DOCK3: variants seen among roughly 807,000 people sequenced by gnomAD.
DOCK3 encodes dedicator of cytokinesis protein 3.
Under a neutral mutation model 265.6 loss-of-function variants are expected in DOCK3, and 60 were observed. The ratio of observed to expected loss-of-function variants is 0.23; its 90% confidence interval spans 0.18 to 0.28. The LOEUF is 0.28. Ranked by LOEUF, DOCK3 falls within the 10% of genes least tolerant of loss-of-function variation. The pLI is 1.00. For synonymous variants in DOCK3, 881 were observed against 938.0 expected, an observed-to-expected ratio of 0.94 and a Z score of 1.11; for missense variants, 1,981 against 2,594.3, an observed-to-expected ratio of 0.76 and a Z score of 5.14.
intron 5 of DOCK3, among the ~76,000 whole-genome samples, chr3:51,056,514 C>T (rs1265470228): frequency 6.6e-6 from 1 of 152,168 alleles, no homozygotes; most frequent in Admixed American, 6.5e-5. Context: ...TCCCAAAGTG[C>T]TGGGATTACA....
At chr3:50,753,051 G>T (rs1282123283) in intron 1 of DOCK3, among the ~76,000 whole-genome samples, 1 of 152,150 alleles carries the variant, frequency 6.6e-6, no homozygotes, top group Non-Finnish European at 1.5e-5. Context: ...AGGATATTAT[G>T]TAGGTACTTA....
rs1576074270 is a variant in DOCK3 at position 50,682,929 on chromosome 3, ACT to A, written c.37+7632_37+7633del. On this transcript the variant is annotated intron_variant, in intron 1 of 52. Transcript: ENST00000266037. The stretch of plus-strand genomic sequence containing the variant: ...GCTCCAGCCTGGGTGACAGAGTAAG[ACT>A]CTGTGATCCTCCCAAAGTGTTGGGA... Among the ~76,000 whole-genome samples the A allele has an allele frequency of 2.0e-5, 3 of 152,202 alleles. No individual in the cohort carries two copies. The East Asian group carries it at 5.8e-4, about 29-fold the overall frequency.
At chr3:51,026,889 A>G (rs192455833) in intron 5 of DOCK3, among the ~76,000 whole-genome samples, 2 of 151,764 alleles carry the variant, frequency 1.3e-5, no homozygotes, top group African/African-American at 4.8e-5. Flanking sequence ...CTAGCAGTCT[A>G]TCAATCTTTT....
At chr3:51,317,383 A>G (rs748830127) in intron 32 of DOCK3, among the ~76,000 whole-genome samples, 1 of 151,090 alleles carries the variant, frequency 6.6e-6, no homozygotes, top group Non-Finnish European at 1.5e-5. Flanking sequence ...TTAGTGAGCT[A>G]TTGCACCACG....
chr3:50,971,339 G>A (rs1201112726), intron 5 of DOCK3, among the ~76,000 whole-genome samples: 1 of 151,848 alleles, frequency 6.6e-6, no homozygotes, highest in Non-Finnish European at 1.5e-5. Flanking sequence ...ATGTTGGATG[G>A]TATTAGTTTT....
At position 51,361,844 on chromosome 3, in the gene DOCK3, C is replaced by A; in HGVS notation, c.5007-15C>A. On this transcript the variant is annotated splice_polypyrimidine_tract_variant and intron_variant, in intron 47 of 52. Coordinates refer to ENST00000266037, the MANE Select transcript of DOCK3 (RefSeq NM_004947.5). This position sits in a 1 kb window ranked among gnomAD's most constrained non-coding sequence, Gnocchi z 4.2. ...ATGGGCCTGACTCCTCCCTATTTCC[C>A]ACTCTTGCTCACAGCCCCATGAACT... 2 of 1,610,470 alleles carry A rather than the reference C, an allele frequency of 1.2e-6. No individual in the cohort carries two copies. Among genetic ancestry groups the A allele is most frequent in the Non-Finnish European group, 1.7e-6 (2 of 1,178,098 alleles).
intron 22 of DOCK3, among the ~76,000 whole-genome samples, chr3:51,250,606 A>T (rs1231884958): frequency 6.6e-6 from 1 of 152,214 alleles, no homozygotes; most frequent in Non-Finnish European, 1.5e-5. Context: ...GTGACAGAGC[A>T]AAACTCCATC....
intron 46 of DOCK3, among the ~76,000 whole-genome samples, chr3:51,358,300 A>G (rs1244890898): frequency 2.0e-5 from 3 of 152,196 alleles, no homozygotes; most frequent in Non-Finnish European, 2.9e-5. Flanking sequence ...CCAAAGGAGG[A>G]GCCAGATTCA....
intron 23 of DOCK3, among the ~76,000 whole-genome samples, chr3:51,267,347 A>G (rs145511402): frequency 8.5e-4 from 129 of 151,648 alleles, no homozygotes; most frequent in African/African-American, 3.0e-3. Flanking sequence ...AAATCATTCT[A>G]CTATAAAGAC....
Position 51,242,838 on chromosome 3 carries a change from G to A in DOCK3, c.2103-3888G>A, listed in dbSNP as rs1204544162. ...GGAAAAAGGAAAGCAAAACCTGCCA[G>A]TACAGACACAAGCCAGTAAAGCATT... is the stretch of plus-strand genomic sequence containing the variant. On this transcript the variant is annotated intron_variant, in intron 21 of 52. Coordinates refer to ENST00000266037, the MANE Select transcript of DOCK3 (RefSeq NM_004947.5). Among the ~76,000 whole-genome samples the A allele has an allele frequency of 2.0e-5, 3 of 152,166 alleles. No homozygotes were observed. The East Asian group carries it at 5.8e-4, about 29-fold the overall frequency.
At chr3:50,736,043 C>T (rs2038579307) in intron 1 of DOCK3, among the ~76,000 whole-genome samples, 1 of 152,168 alleles carries the variant, frequency 6.6e-6, no homozygotes, top group Non-Finnish European at 1.5e-5. Flanking sequence ...AATGCTATCC[C>T]TCCCCGCTGC....
chr3:51,008,136 T>C (rs1037343061), intron 5 of DOCK3, among the ~76,000 whole-genome samples: 6 of 152,198 alleles, frequency 3.9e-5, no homozygotes, highest in African/African-American at 1.4e-4. Flanking sequence ...AACATTAAAG[T>C]AGTTTTTTTT....
At chr3:51,013,952 G>C (rs1047597359) in intron 5 of DOCK3, among the ~76,000 whole-genome samples, 1 of 152,198 alleles carries the variant, frequency 6.6e-6, no homozygotes, top group African/African-American at 2.4e-5. Flanking sequence ...AGGCTTCGTA[G>C]GCGTGGGACC....
intron 4 of DOCK3, among the ~76,000 whole-genome samples, chr3:50,905,645 G>T (rs1307193938): frequency 6.6e-6 from 1 of 152,068 alleles, no homozygotes; most frequent in Non-Finnish European, 1.5e-5. Flanking sequence ...TTGCTTATCA[G>T]CTTAAGGAGA....
chr3:51,317,245 C>T (rs2083416383), intron 32 of DOCK3, among the ~76,000 whole-genome samples: 2 of 147,192 alleles, frequency 1.4e-5, no homozygotes, highest in South Asian at 2.1e-4. Context: ...GTCTTTCTGC[C>T]TTGGTCAAAA....
At chr3:50,960,040 A>G (rs1026589642) in intron 5 of DOCK3, among the ~76,000 whole-genome samples, 1 of 152,204 alleles carries the variant, frequency 6.6e-6, no homozygotes. Context: ...GTGTCATTGC[A>G]TGAAATCAGT....
intron 4 of DOCK3, among the ~76,000 whole-genome samples, chr3:50,924,286 A>G (rs2050651490): frequency 6.6e-6 from 1 of 152,236 alleles, no homozygotes; most frequent in South Asian, 2.1e-4. Flanking sequence ...TATATTAGTT[A>G]CTGGTTCAGA....
chr3:51,137,463 G>A (rs1019525506), intron 9 of DOCK3, among the ~76,000 whole-genome samples: 3 of 152,142 alleles, frequency 2.0e-5, no homozygotes, highest in South Asian at 2.1e-4. Context: ...ATGTACCCTC[G>A]TTGAGGATAA....
chr3:50,833,008 A>G (rs1431103314), intron 2 of DOCK3, among the ~76,000 whole-genome samples: 2 of 152,182 alleles, frequency 1.3e-5, no homozygotes, highest in African/African-American at 2.4e-5. Flanking sequence ...CACCACAGTA[A>G]AGCAAAGTAA....
Sources: gnomAD v4.1 joint callset for allele counts (sites outside exome capture counted in the v4.1 genomes callset) on GRCh38, gnomAD v4.1.1 for gene constraint, Gnocchi (gnomAD v3.1) non-coding constraint, MANE v1.5 for transcripts, NCBI Gene and HGNC (gene_info 2026-07-23, HGNC 2026-07-21) for gene names.